The following SLC6A16 variants were observed in gnomAD, a reference collection of about 807,000 sequenced individuals.
SLC6A16 encodes the protein solute carrier family 6 member 16.
SLC6A16 carries 54 observed loss-of-function variants against 65.4 expected under a neutral mutation model. That is an observed-to-expected ratio of 0.83 (90% CI 0.66 to 1.04). The LOEUF (loss-of-function observed/expected upper bound fraction) is 1.04, where lower values mean the gene tolerates loss of function less well. Ranked by LOEUF, SLC6A16 falls within the 50% of genes least tolerant of loss-of-function variation. The pLI is 0.00. For synonymous variants in SLC6A16, 330 were observed against 346.5 expected (o/e 0.95, Z 0.53); for missense variants, 816 against 914.0 (o/e 0.89, Z 1.38).
Position 49,289,864 on chromosome 19 carries a change from A to G in SLC6A16, c.*259T>C, listed in dbSNP as rs1438979023. On this transcript the variant is annotated 3_prime_UTR_variant, in exon 12 of 12. Coordinates refer to ENST00000335875, the MANE Select transcript of SLC6A16 (RefSeq NM_014037.3). ...AGAAGTAGCAGGACTGGTAGACATCACTAGTATTGTATATGTGTTGTGCAT... is the reference window on the plus strand; with the variant it reads ...AGAAGTAGCAGGACTGGTAGACATCGCTAGTATTGTATATGTGTTGTGCAT... 6.4e-6 allele frequency: 3 copies of G among 468,454 alleles called. No individual in the cohort carries two copies. Among genetic ancestry groups the G allele is most frequent in the Non-Finnish European group, 7.6e-6 (2 of 263,002 alleles). The allele number at this position is 468,454 out of a possible 1,614,324, so 29.0% of individuals were successfully genotyped here.
At chr19:49,290,481 A>C (rs1970055202) in intron 11 of SLC6A16, 89 bp from the exon 12 acceptor site, 1 of 1,565,498 alleles carries the variant, frequency 6.4e-7, no homozygotes, top group Admixed American at 1.8e-5. Flanking sequence ...TGGGGAACCA[A>C]AGCAGAAAAC....
the SLC6A16 span, chr19:49,335,868 C>G: frequency 1.8e-6 from 2 of 1,132,856 alleles, no homozygotes; most frequent in Non-Finnish European, 2.7e-6. This position sits in a 1 kb window ranked among gnomAD's most constrained non-coding sequence, Gnocchi z 4.6. Flanking sequence ...GGGAGACCTA[C>G]GGTGCCCTAC....
the SLC6A16 span, among the ~76,000 whole-genome samples, chr19:49,334,355 G>A: frequency 1.3e-5 from 2 of 152,126 alleles, no homozygotes; most frequent in Non-Finnish European, 2.9e-5. Context: ...GCATGGTGGT[G>A]TGCACCTGTA....
chr19:49,300,204 G>A (rs1032439066), intron 7 of SLC6A16, among the ~76,000 whole-genome samples: 1 of 151,992 alleles, frequency 6.6e-6, no homozygotes, highest in Non-Finnish European at 1.5e-5. Flanking sequence ...AAATACATGA[G>A]GTGCATGCTT....
the SLC6A16 span, chr19:49,336,670 A>C: frequency 2.0e-6 from 1 of 489,178 alleles, no homozygotes. Flanking sequence ...GACGAGGAGG[A>C]GCTGAAGGAG....
chr19:49,327,842 G>C (rs1473387379), upstream of SLC6A16, among the ~76,000 whole-genome samples: 1 of 152,184 alleles, frequency 6.6e-6, no homozygotes, highest in Non-Finnish European at 1.5e-5. Context: ...CAAAAGCCTT[G>C]AGGCAAGAAG....
In SLC6A16 at chr19:49,293,864, G is replaced by C; in HGVS notation, c.1581C>G (p.Thr527=). The C allele has an allele frequency of 6.2e-7, 1 of 1,614,066 alleles. No homozygotes were observed. ...MQGIITPLQD[T]FSFFRKHTKL... ...TTGTATGTTTCCTGAAGAAAGAGAA[G>C]GTGTCCTGGAGTGGAGTAATGATGC... is the stretch of plus-strand genomic sequence containing the variant. Residue 527 remains threonine (T), a synonymous_variant, in exon 9 of 12, where the codon ACC becomes ACG. Coordinates refer to ENST00000335875, the MANE Select transcript of SLC6A16 (RefSeq NM_014037.3).
At chr19:49,332,691 G>A in the SLC6A16 span, among the ~76,000 whole-genome samples, 1 of 152,208 alleles carries the variant, frequency 6.6e-6, no homozygotes, top group African/African-American at 2.4e-5. Flanking sequence ...AAGTTCTGGG[G>A]ATTAGGACAT....
intron 1 of SLC6A16, chr19:49,312,555 G>A (rs1049062804): frequency 1.1e-5 from 11 of 984,646 alleles, no homozygotes; most frequent in East Asian, 1.1e-4. Flanking sequence ...CCAAGTTCCC[G>A]CCACTCTGAA....
chr19:49,339,225 G>C, the SLC6A16 span: 2 of 986,130 alleles, frequency 2.0e-6, no homozygotes, highest in Non-Finnish European at 1.6e-6. The surrounding 1 kb of genome is among the most constrained non-coding windows in gnomAD (Gnocchi z 4.5). Context: ...GACTAGGGGA[G>C]CGGGTAGATG....
At chr19:49,306,742 C>T (rs1298430349) in intron 7 of SLC6A16, among the ~76,000 whole-genome samples, 1 of 151,918 alleles carries the variant, frequency 6.6e-6, no homozygotes, top group Non-Finnish European at 1.5e-5. Flanking sequence ...TGGGGTTTCA[C>T]CATATTGGCC....
the SLC6A16 span, chr19:49,338,041 T>TC: frequency 6.2e-7 from 1 of 1,612,528 alleles, no homozygotes; most frequent in Admixed American, 1.7e-5. This position sits in a 1 kb window ranked among gnomAD's most constrained non-coding sequence, Gnocchi z 5.0. Flanking sequence ...TAAGCCCCCC[T>TC]CCTCCAGTTC....
chr19:49,339,014 G>T, the SLC6A16 span: 39 of 1,165,082 alleles, frequency 3.3e-5, no homozygotes, highest in Middle Eastern at 4.8e-4. The surrounding 1 kb of genome is among the most constrained non-coding windows in gnomAD (Gnocchi z 4.5). Flanking sequence ...GTGAGTAGCG[G>T]CCTGAGAAAG....
chr19:49,337,633 C>T, the SLC6A16 span: 1 of 1,494,006 alleles, frequency 6.7e-7, no homozygotes, highest in Non-Finnish European at 8.9e-7. Flanking sequence ...TAGAAAGACA[C>T]ACCGACCTGG....
intron 7 of SLC6A16, among the ~76,000 whole-genome samples, chr19:49,301,509 C>T (rs1252619091): frequency 6.6e-6 from 1 of 152,202 alleles, no homozygotes; most frequent in Non-Finnish European, 1.5e-5. Context: ...CTCAACAGCA[C>T]TCCTGGCCAC....
chr19:49,301,211 G>A (rs1970285191), intron 7 of SLC6A16, among the ~76,000 whole-genome samples: 1 of 152,172 alleles, frequency 6.6e-6, no homozygotes, highest in African/African-American at 2.4e-5. Flanking sequence ...CCCCGAGCCA[G>A]CACTGCTCAG....
At position 49,293,402 on chromosome 19, in the gene SLC6A16, T is replaced by G. The variant is rs775788186; in HGVS notation, c.1619-20A>C. Reference sequence around the variant, plus strand: ...CTCCCACTGGAGAAAACATGAGATCTGGATCAAGGTTAGAAGTCACGGCTG... The same window carrying G: ...CTCCCACTGGAGAAAACATGAGATCGGGATCAAGGTTAGAAGTCACGGCTG... On this transcript the variant is annotated intron_variant, in intron 9 of 11. Coordinates refer to ENST00000335875, the MANE Select transcript of SLC6A16 (RefSeq NM_014037.3). 1 of 1,613,278 alleles carries G rather than the reference T, an allele frequency of 6.2e-7. No homozygotes were observed. Among genetic ancestry groups the G allele is most frequent in the Non-Finnish European group, 8.5e-7 (1 of 1,179,674 alleles).
intron 1 of SLC6A16, among the ~76,000 whole-genome samples, chr19:49,322,453 G>A (rs557383144): frequency 3.1e-4 from 47 of 151,972 alleles, no homozygotes; most frequent in Admixed American, 9.2e-4. Flanking sequence ...CCAGCCTGAC[G>A]AACATGGAGA....
At chr19:49,333,247 C>T in the SLC6A16 span, among the ~76,000 whole-genome samples, 4 of 146,714 alleles carry the variant, frequency 2.7e-5, no homozygotes, top group South Asian at 2.2e-4. Flanking sequence ...CCGAGGTGAG[C>T]GGATCACTTG....
Sources: allele counts gnomAD v4.1 joint callset (sites outside exome capture counted in the v4.1 genomes callset), GRCh38; gene constraint gnomAD v4.1.1; non-coding constraint Gnocchi (gnomAD v3.1); transcripts MANE v1.5; gene names NCBI Gene and HGNC (gene_info 2026-07-23, HGNC 2026-07-21).